The following COPG1 variants were observed in gnomAD, a reference collection of about 807,000 sequenced individuals.
The protein encoded by COPG1 is coatomer subunit gamma-1.
In COPG1, 29 loss-of-function variants were observed where a neutral mutation model predicts 102.8. The ratio of observed to expected loss-of-function variants is 0.28; its 90% CI spans 0.21 to 0.38. The LOEUF (loss-of-function observed/expected upper bound fraction) is 0.38, where lower values mean the gene tolerates loss of function less well. Among genes scored for constraint, COPG1 ranks in the 10% least tolerant of loss-of-function variants. The probability of loss-of-function intolerance (pLI) is 1.00; values close to 1 mark genes in which losing one functional copy is unlikely to be tolerated. For missense variants in COPG1, 875 were observed against 1,132.7 expected (o/e 0.77, Z 3.27); for synonymous variants, 406 against 421.6 (o/e 0.96, Z 0.45).
Position 129,249,659 on chromosome 3 carries a change from G to T in COPG1, c.-51G>T. 3 of 1,548,754 alleles carry T rather than the reference G, an allele frequency of 1.9e-6. No individual in the cohort carries two copies. The highest frequency in any genetic ancestry group is 2.6e-6 in the Non-Finnish European group (3 of 1,145,592). On this transcript the variant is annotated 5_prime_UTR_variant, in exon 1 of 24. Transcript: ENST00000314797. ...AACCACTGTGGCACCGCTACTCCGT[G>T]CCGCGCCCGTCGAGCATTGCGTTGC... is the stretch of plus-strand genomic sequence containing the variant.
chr3:129,274,197 A>G (rs561827868), intron 21 of COPG1: 22 of 429,794 alleles, frequency 5.1e-5, no homozygotes, highest in South Asian at 1.3e-4. Context: ...AAAAAAAAAA[A>G]AGAGAGAGAG....
intron 19 of COPG1, 95 bp downstream of exon 19, chr3:129,272,004 A>T: frequency 7.2e-7 from 1 of 1,397,590 alleles, no homozygotes; most frequent in African/African-American, 1.4e-5. Flanking sequence ...CCCACACTGC[A>T]TTGGTTGGGA....
At chr3:129,252,249 A>G in intron 2 of COPG1, 32 bp from the exon 3 acceptor site, 1 of 1,442,654 alleles carries the variant, frequency 6.9e-7, no homozygotes, top group Non-Finnish European at 9.8e-7. Flanking sequence ...GAACTAGGCT[A>G]GAAGGTAACA....
intron 1 of COPG1, 113 bp from the exon 2 acceptor site, chr3:129,250,569 G>T: frequency 1.2e-6 from 1 of 810,054 alleles, no homozygotes; most frequent in Admixed American, 2.1e-5. Flanking sequence ...CATTCCTGAG[G>T]AGTTTGAACT....
rs150998233 is a variant in COPG1 at position 129,257,240 on chromosome 3, G to A, written c.580-230G>A. 3.9e-5 allele frequency among the ~76,000 whole-genome samples: 6 copies of A among 152,308 alleles called. No individual in the cohort carries two copies. In the East Asian group the frequency reaches 9.6e-4, roughly 24 times the overall value. On this transcript the variant is annotated intron_variant, in intron 8 of 23. Coordinates refer to ENST00000314797, the MANE Select transcript of COPG1 (RefSeq NM_016128.4). ...TATGCTACCTGTTAGGGCTCTTGCC[G>A]AAGCAGGGGTGGGAACAAGAACCAC... is the stretch of plus-strand genomic sequence containing the variant.
At chr3:129,274,396 G>C (rs1299139596) in intron 21 of COPG1, among the ~76,000 whole-genome samples, 1 of 152,148 alleles carries the variant, frequency 6.6e-6, no homozygotes, top group Non-Finnish European at 1.5e-5. Flanking sequence ...AGAGGACACA[G>C]CTGGGGTAGG....
Position 129,250,682 on chromosome 3 carries a change from G to A in COPG1, c.38G>A (p.Gly13Asp), listed in dbSNP as rs774859705. 8 of 1,613,772 alleles carry A rather than the reference G, an allele frequency of 5.0e-6. No individual in the cohort carries two copies. The highest frequency in any genetic ancestry group is 3.3e-5 in the South Asian group (3 of 91,076). Residue 13 changes from glycine to aspartate, a missense_variant and splice_region_variant, in exon 2 of 24, where the codon GGT (glycine) becomes GAT (aspartate). Physicochemically the swap from Gly to Asp is moderately conservative, Grantham distance 94 (BLOSUM62 -1). Transcript: ENST00000314797. The part of the protein sequence containing the change: ...KKFDKKDEES[G>D]GGSNPFQHLE... The stretch of plus-strand genomic sequence containing the variant: ...CCTTCTCCATTGTCCTTGACCGTAG[G>A]TGGAGGCTCCAACCCATTCCAGCAC...
Position 129,277,702 on chromosome 3 carries a change from C to T in COPG1, c.*278C>T, listed in dbSNP as rs1940307486. The T allele has an allele frequency of 6.0e-6, 2 of 332,514 alleles. No individual in the cohort carries two copies. Among genetic ancestry groups the T allele is most frequent in the Non-Finnish European group, 1.2e-5 (2 of 173,790 alleles). 20.6% of individuals were successfully genotyped at this position (332,514 alleles called of 1,614,324 possible). A position where few individuals can be genotyped will look rare whatever the true frequency, so the allele number is the denominator to read the frequency against. ...GGACATTGTAAATGAATAAAACATT[C>T]TCAACTCCTCTTGAATCTATCCCCC... On this transcript the variant is annotated 3_prime_UTR_variant, in exon 24 of 24. Transcript: ENST00000314797.
At chr3:129,251,184 A>C (rs1939688763) in intron 2 of COPG1, among the ~76,000 whole-genome samples, 1 of 150,902 alleles carries the variant, frequency 6.6e-6, no homozygotes, top group African/African-American at 2.4e-5. Context: ...CGGCCTCCCA[A>C]AGTGCTGGGA....
At chr3:129,257,277 T>A (rs1219828020) in intron 8 of COPG1, among the ~76,000 whole-genome samples, 193 bp from the exon 9 acceptor site, 1 of 152,212 alleles carries the variant, frequency 6.6e-6, no homozygotes, top group Non-Finnish European at 1.5e-5. Flanking sequence ...GATATACTTC[T>A]GTGGTTTGTG....
chr3:129,272,107 AC>A (rs1420335326), intron 19 of COPG1, 136 bp from the exon 20 acceptor site: 2 of 1,022,012 alleles, frequency 2.0e-6, no homozygotes, highest in Non-Finnish European at 2.9e-6. Flanking sequence ...CAGCATGAAG[AC>A]AGGGAACCTG....
Position 129,271,315 on chromosome 3 carries a change from G to T in COPG1, c.1844-452G>T, listed in dbSNP as rs950174911. On this transcript the variant is annotated intron_variant, in intron 18 of 23. Transcript: ENST00000314797. The surrounding 1 kb of genome is among the most constrained non-coding windows in gnomAD (Gnocchi z 4.7). ...TGAAATATCTCTTTATTGGCCATTT[G>T]TCTTAACTGATAAATATATAGGACC... Among the ~76,000 whole-genome samples the T allele has an allele frequency of 6.6e-6, 1 of 152,194 alleles. No individual in the cohort carries two copies. The highest frequency in any genetic ancestry group is 2.4e-5 in the African/African-American group (1 of 41,434).
chr3:129,275,129 G>C lies in COPG1; in HGVS notation c.2396-65G>C. 6.6e-7 allele frequency: 1 copy of C among 1,519,698 alleles called. No individual in the cohort carries two copies. The allele number at this position is 1,519,698 out of a possible 1,614,324, so 94.1% of individuals were successfully genotyped here. On this transcript the variant is annotated intron_variant, in intron 22 of 23. Coordinates refer to ENST00000314797, the MANE Select transcript of COPG1 (RefSeq NM_016128.4). The surrounding 1 kb of genome is among the most constrained non-coding windows in gnomAD (Gnocchi z 5.0). Reference sequence around the variant, plus strand: ...TTCATTAAAAGCCCTTCAGAACATGGGGGAGTGGTGGTGGCACAAAGGGCA... The same window carrying C: ...TTCATTAAAAGCCCTTCAGAACATGCGGGAGTGGTGGTGGCACAAAGGGCA...
At position 129,275,050 on chromosome 3, in the gene COPG1, CT is replaced by C; in HGVS notation, c.2395+78del. Reference sequence around the variant, plus strand: ...TTGGCTACTATTGAAGTGCTCATCCCTTTTCTCTCCAAGGATCCAGGGCCAT... The same window carrying C: ...TTGGCTACTATTGAAGTGCTCATCCCTTTCTCTCCAAGGATCCAGGGCCAT... On this transcript the variant is annotated intron_variant, in intron 22 of 23. Coordinates refer to ENST00000314797, the MANE Select transcript of COPG1 (RefSeq NM_016128.4). This position sits in a 1 kb window ranked among gnomAD's most constrained non-coding sequence, Gnocchi z 5.0. 6.4e-7 allele frequency: 1 copy of C among 1,561,292 alleles called. No individual in the cohort carries two copies. The highest frequency in any genetic ancestry group is 8.8e-7 in the Non-Finnish European group (1 of 1,136,728).
In COPG1 at chr3:129,271,868, C is replaced by T. The variant is rs201767713; in HGVS notation, c.1945C>T (p.Arg649Cys). 1.9e-4 allele frequency: 310 copies of T among 1,614,120 alleles called. 3 individuals carry two copies. The East Asian group carries it at 5.7e-3, about 29-fold the overall frequency. Residue 649 changes from arginine to cysteine, a missense_variant, in exon 19 of 24, where the codon CGC becomes TGC. Transcript: ENST00000314797. This position sits in a 1 kb window ranked among gnomAD's most constrained non-coding sequence, Gnocchi z 4.7. ...CGAGTCAGAGACGGAGTATGTCATC[C>T]GCTGCACCAAACACACCTTCACCAA... ...LTESETEYVI[R>C]CTKHTFTNHM...
At chr3:129,263,372 T>C (rs1165074047) in intron 12 of COPG1, among the ~76,000 whole-genome samples, 4 of 151,786 alleles carry the variant, frequency 2.6e-5, no homozygotes, top group East Asian at 3.9e-4. Context: ...CCAGGTGGAG[T>C]TGTCTGACAG....
rs758945047 is a variant in COPG1 at position 129,263,919 on chromosome 3, G to A, written c.1144G>A (p.Ala382Thr). The change falls in exon 13 of 24, where the codon GCC becomes ACC. Residue 382 changes from alanine (A) to threonine (T), a missense_variant. Physicochemically the swap from Ala to Thr is moderately conservative, Grantham distance 58. Transcript: ENST00000314797. ...TTTCATTTAGGTGGTGGTTGTCCAG[G>A]CCATCAGTGCCCTGTGTCAGAAATA... is the stretch of plus-strand genomic sequence containing the variant. ...SDEFKVVVVQ[A>T]ISALCQKYPR... 2 of 1,614,102 alleles carry A rather than the reference G, an allele frequency of 1.2e-6. No individual in the cohort carries two copies. Among genetic ancestry groups the A allele is most frequent in the Non-Finnish European group, 1.7e-6 (2 of 1,179,988 alleles).
rs111508112 is a variant in COPG1 at position 129,272,072 on chromosome 3, C to T, written c.1986+163C>T. On this transcript the variant is annotated intron_variant, in intron 19 of 23. Coordinates refer to ENST00000314797, the MANE Select transcript of COPG1 (RefSeq NM_016128.4). ...GGTCGGTCTCTCATATCTCTTGACTCGGGACATCCATGGCTCCCGATTGTC... is the reference window on the plus strand; with the variant it reads ...GGTCGGTCTCTCATATCTCTTGACTTGGGACATCCATGGCTCCCGATTGTC... The T allele has an allele frequency of 7.3e-5, 73 of 1,006,760 alleles. No individual in the cohort carries two copies. In the African/African-American group the frequency reaches 7.6e-4, roughly 11 times the overall value. 62.4% of individuals were successfully genotyped at this position (1,006,760 alleles called of 1,614,324 possible).
chr3:129,268,225 G>A (rs985399732), intron 16 of COPG1, among the ~76,000 whole-genome samples, 185 bp downstream of exon 16: 6 of 152,130 alleles, frequency 3.9e-5, no homozygotes, highest in Admixed American at 1.3e-4. Context: ...GGTGGAAATT[G>A]TCCAGTGAAT....
Sources: gnomAD v4.1 joint callset for allele counts (sites outside exome capture counted in the v4.1 genomes callset) on GRCh38, gnomAD v4.1.1 for gene constraint, Gnocchi (gnomAD v3.1) non-coding constraint, MANE v1.5 for transcripts, NCBI Gene and HGNC (gene_info 2026-07-23, HGNC 2026-07-21) for gene names.